The following KCNAB1 variants were observed in gnomAD, a reference collection of about 807,000 sequenced individuals.
The protein encoded by KCNAB1 is potassium voltage-gated channel subfamily A regulatory beta subunit 1, also known as voltage-gated potassium channel subunit beta-1.
In KCNAB1, 35 loss-of-function variants were observed where a neutral mutation model predicts 64.6. The observed-to-expected ratio is 0.54, with a 90% CI of 0.41 to 0.72. The LOEUF (loss-of-function observed/expected upper bound fraction) is 0.72. KCNAB1 is among the 30% of genes least tolerant of loss of function. The probability of loss-of-function intolerance (pLI) is 0.00; values close to 1 mark genes in which losing one functional copy is unlikely to be tolerated. For missense variants in KCNAB1, 401 were observed against 512.9 expected (o/e 0.78, Z 2.11); for synonymous variants, 177 against 183.8 (o/e 0.96, Z 0.30).
At chr3:156,433,557 T>C (rs2108247252) in intron 2 of KCNAB1, among the ~76,000 whole-genome samples, 1 of 152,070 alleles carries the variant, frequency 6.6e-6, no homozygotes, top group African/African-American at 2.4e-5. Context: ...AAAAGAACAA[T>C]TAAACAAGAA....
intron 1 of KCNAB1, among the ~76,000 whole-genome samples, chr3:156,150,628 T>C (rs986737489): frequency 2.0e-4 from 31 of 152,148 alleles, no homozygotes; most frequent in African/African-American, 7.5e-4. Flanking sequence ...AGAAAAACAA[T>C]TCCTGAATTT....
At chr3:156,232,854 T>C (rs1716614713) in intron 1 of KCNAB1, among the ~76,000 whole-genome samples, 1 of 152,252 alleles carries the variant, frequency 6.6e-6, no homozygotes, top group South Asian at 2.1e-4. Context: ...TATAAAAGTA[T>C]TCAATTTTCA....
At chr3:156,289,873 GTAGA>G (rs1423449792) in intron 1 of KCNAB1, among the ~76,000 whole-genome samples, 6 of 152,038 alleles carry the variant, frequency 3.9e-5, no homozygotes, top group African/African-American at 1.4e-4. Context: ...TTTTAATCAC[GTAGA>G]TAGATTGTGT....
intron 1 of KCNAB1, among the ~76,000 whole-genome samples, chr3:156,372,702 A>G (rs992331218): frequency 3.9e-5 from 6 of 152,248 alleles, no homozygotes; most frequent in African/African-American, 1.2e-4. Flanking sequence ...AGATGCTTCA[A>G]CAAGAGGACA....
At chr3:156,279,099 G>A (rs816548) in intron 1 of KCNAB1, among the ~76,000 whole-genome samples, 1 of 150,808 alleles carries the variant, frequency 6.6e-6, no homozygotes, top group Non-Finnish European at 1.5e-5. Context: ...TATATCTCCC[G>A]ATGCTATCCC....
intron 1 of KCNAB1, among the ~76,000 whole-genome samples, chr3:156,280,759 GCTCT>G (rs912315660): frequency 6.6e-6 from 1 of 151,712 alleles, no homozygotes; most frequent in African/African-American, 2.4e-5. Flanking sequence ...TCATGATTTG[GCTCT>G]CTGTCTGTTG....
intron 1 of KCNAB1, among the ~76,000 whole-genome samples, chr3:156,381,447 G>A (rs1712151800): frequency 6.6e-6 from 1 of 152,194 alleles, no homozygotes; most frequent in Admixed American, 6.5e-5. Context: ...CTCCAGTGTA[G>A]AGAGAATAGA....
intron 8 of KCNAB1, among the ~76,000 whole-genome samples, chr3:156,492,015 T>G (rs1715667648): frequency 6.6e-6 from 1 of 152,118 alleles, no homozygotes; most frequent in Admixed American, 6.6e-5. Context: ...AATGTAAGTC[T>G]TTTGTTTCAG....
At chr3:156,143,569 G>GTTGTTTTTTTTTTTTTTTTTTTTTT (rs1443482013) in intron 1 of KCNAB1, 3 of 281,598 alleles carry the variant, frequency 1.1e-5, no homozygotes, top group African/African-American at 8.8e-5. Flanking sequence ...TTGCATTCTT[G>GTTGTTTTTTTTTTTTTTTTTTTTTT]TTTTTTTTTT....
At chr3:156,379,415 G>C (rs532359275) in intron 1 of KCNAB1, among the ~76,000 whole-genome samples, 2 of 152,314 alleles carry the variant, frequency 1.3e-5, no homozygotes, top group Non-Finnish European at 2.9e-5. Context: ...AGGTGGATGA[G>C]GGTGTTGGTG....
chr3:156,389,653 T>G (rs550311217), intron 1 of KCNAB1, among the ~76,000 whole-genome samples: 6 of 152,336 alleles, frequency 3.9e-5, no homozygotes, highest in African/African-American at 1.4e-4. Context: ...CATTCTGTGT[T>G]TAACAGGCCT....
chr3:156,335,537 A>AT (rs1448861589), intron 1 of KCNAB1, among the ~76,000 whole-genome samples: 1 of 152,236 alleles, frequency 6.6e-6, no homozygotes, highest in African/African-American at 2.4e-5. Context: ...GTCCTAGCAC[A>AT]TATTAAACAC....
chr3:156,429,774 C>T (rs1242234270), intron 2 of KCNAB1, among the ~76,000 whole-genome samples: 1 of 152,138 alleles, frequency 6.6e-6, no homozygotes, highest in Admixed American at 6.5e-5. Context: ...TATGAAGTGC[C>T]TCCTGGGACA....
At chr3:156,484,382 A>T (rs893984658) in intron 8 of KCNAB1, among the ~76,000 whole-genome samples, 1 of 152,046 alleles carries the variant, frequency 6.6e-6, no homozygotes, top group Non-Finnish European at 1.5e-5. Flanking sequence ...AGAGAGAGAG[A>T]GGGAGAACAG....
chr3:156,342,625 TTA>T lies in KCNAB1; in HGVS notation c.276-78988_276-78987del, dbSNP rs372434100. On this transcript the variant is annotated intron_variant, in intron 1 of 13. Coordinates refer to ENST00000490337, the MANE Select transcript of KCNAB1 (RefSeq NM_172160.3). ...TTTTTTTTAATTTTTTTTTTTTTTA[TTA>T]TACTCTAAGTTTTAGGGTACATGTG... Among the ~76,000 whole-genome samples the T allele has an allele frequency of 5.1e-4, 66 of 130,312 alleles. No individual in the cohort carries two copies. In the South Asian group the frequency reaches 0.016, roughly 32 times the overall value. The allele number at this position is 130,312 out of a possible 152,430, so 85.5% of individuals were successfully genotyped here. A position where few individuals can be genotyped will look rare whatever the true frequency, so the allele number is the denominator to read the frequency against.
chr3:156,287,364 A>C (rs1235049468), intron 1 of KCNAB1, among the ~76,000 whole-genome samples: 1 of 151,908 alleles, frequency 6.6e-6, no homozygotes, highest in Non-Finnish European at 1.5e-5. Flanking sequence ...AAAAAAAAAA[A>C]AAAACTACCC....
chr3:156,306,052 C>A (rs540696282), intron 1 of KCNAB1, among the ~76,000 whole-genome samples: 1 of 152,206 alleles, frequency 6.6e-6, no homozygotes, highest in African/African-American at 2.4e-5. Context: ...AAGTAGTGAA[C>A]AGATCAAGTA....
At chr3:156,425,234 T>C (rs1029767568) in intron 2 of KCNAB1, among the ~76,000 whole-genome samples, 23 of 152,228 alleles carry the variant, frequency 1.5e-4, no homozygotes, top group Admixed American at 1.4e-3. Context: ...GATTCTTTTC[T>C]TGAAATACTC....
chr3:156,334,588 G>A (rs111457916), intron 1 of KCNAB1, among the ~76,000 whole-genome samples: 126 of 152,312 alleles, frequency 8.3e-4, no homozygotes, highest in African/African-American at 3.0e-3. Context: ...TGAGTTAAAT[G>A]AGAAAAAGTG....
Sources: gnomAD v4.1 joint callset for allele counts (sites outside exome capture counted in the v4.1 genomes callset) on GRCh38, gnomAD v4.1.1 for gene constraint, MANE v1.5 for transcripts, NCBI Gene and HGNC (gene_info 2026-07-23, HGNC 2026-07-21) for gene names.